CAMTA1: variants seen among roughly 807,000 people sequenced by gnomAD.
CAMTA1 encodes the protein calmodulin-binding transcription activator 1.
Under a neutral mutation model 170.9 loss-of-function variants are expected in CAMTA1, and 27 were observed. That is an observed-to-expected ratio of 0.16 (90% CI 0.12 to 0.22). The LOEUF is 0.22. Ranked by LOEUF, CAMTA1 falls within the 10% of genes least tolerant of loss-of-function variation. The pLI is 1.00. For missense variants in CAMTA1, 1,619 were observed against 2,217.2 expected, an observed-to-expected ratio of 0.73 and a Z score of 5.42; for synonymous variants, 833 against 891.5, an observed-to-expected ratio of 0.93 and a Z score of 1.17.
chr1:7,398,154 GCTCTCTCTCTCTCT>G (rs371668581), intron 5 of CAMTA1, among the ~76,000 whole-genome samples: 4 of 26,268 alleles, frequency 1.5e-4, no homozygotes, highest in African/African-American at 2.1e-4. Flanking sequence ...TAATAATATT[GCTCTCTCTCTCTCT>G]CTCTCTCTCT....
In CAMTA1 at chr1:7,586,459, G is replaced by A. The variant is rs561044801; in HGVS notation, c.511-53941G>A. Among the ~76,000 whole-genome samples the A allele has an allele frequency of 7.3e-4, 111 of 152,088 alleles. 2 individuals carry two copies. Among genetic ancestry groups the A allele is most frequent in the Non-Finnish European group, 1.1e-3 (72 of 68,030 alleles). On this transcript the variant is annotated intron_variant, in intron 6 of 22. Coordinates refer to ENST00000303635, the MANE Select transcript of CAMTA1 (RefSeq NM_015215.4). ...GAGTTCTAAACCCTGCAGCCACACC[G>A]AACCTCCTGGCAGCTTCCAAACAAT...
At chr1:7,586,814 A>G (rs142751928) in intron 6 of CAMTA1, among the ~76,000 whole-genome samples, 2 of 152,058 alleles carry the variant, frequency 1.3e-5, no homozygotes, top group Non-Finnish European at 2.9e-5. Flanking sequence ...TGCAGGGGTC[A>G]TGTGGCTCCC....
chr1:6,931,967 A>T (rs1305008617), intron 3 of CAMTA1, among the ~76,000 whole-genome samples: 1 of 152,228 alleles, frequency 6.6e-6, no homozygotes, highest in African/African-American at 2.4e-5. Flanking sequence ...ACCTGTACGC[A>T]CTGGTGCCTC....
chr1:6,837,103 G>A (rs989362440), intron 3 of CAMTA1, among the ~76,000 whole-genome samples: 7 of 152,016 alleles, frequency 4.6e-5, no homozygotes, highest in African/African-American at 1.7e-4. Context: ...ACAGGCACGC[G>A]CCACCATACC....
intron 5 of CAMTA1, among the ~76,000 whole-genome samples, chr1:7,310,702 CTTTCTTTCTTTCTTTCTTTCTT>C (rs1676538166): frequency 4.1e-5 from 2 of 48,914 alleles, no homozygotes; most frequent in African/African-American, 1.0e-4. Flanking sequence ...CTCTCTCTCT[CTTTCTTTCTTTCTTTCTTTCTT>C]TCTTTCTTTC....
At chr1:6,991,899 G>A (rs1490376287) in intron 3 of CAMTA1, among the ~76,000 whole-genome samples, 1 of 151,886 alleles carries the variant, frequency 6.6e-6, no homozygotes, top group Non-Finnish European at 1.5e-5. Context: ...ATGTGGTTTT[G>A]CCATGTTGGC....
rs1314870417 is a variant in CAMTA1 at position 7,065,664 on chromosome 1, T to A, written c.235-25640T>A. The stretch of plus-strand genomic sequence containing the variant: ...AGGAGACAGCTGCACCTTGTTGGAG[T>A]CCATGTCAGCTGATTGGAAGAATCC... On this transcript the variant is annotated intron_variant, in intron 3 of 22. Coordinates refer to ENST00000303635, the MANE Select transcript of CAMTA1 (RefSeq NM_015215.4). This position sits in a 1 kb window ranked among gnomAD's most constrained non-coding sequence, Gnocchi z 5.2. Among the ~76,000 whole-genome samples the A allele has an allele frequency of 2.8e-5, 4 of 142,382 alleles. No individual in the cohort carries two copies. Among genetic ancestry groups the A allele is most frequent in the East Asian group, 2.1e-4 (1 of 4,844 alleles). 93.4% of individuals were successfully genotyped at this position (142,382 alleles called of 152,430 possible).
chr1:6,887,611 TAGA>T lies in CAMTA1; in HGVS notation c.234+62404_234+62406del. The T allele has an allele frequency of 6.5e-7, 1 of 1,530,064 alleles. No individual in the cohort carries two copies. The highest frequency in any genetic ancestry group is 8.7e-7 in the Non-Finnish European group (1 of 1,144,454). 94.8% of individuals were successfully genotyped at this position (1,530,064 alleles called of 1,614,324 possible). ...ATTTTTCTTCAGTTAAAAACAGAAA[TAGA>T]AGCGACGGTTTTGACCCATTTTACA... is the stretch of plus-strand genomic sequence containing the variant. On this transcript the variant is annotated intron_variant, in intron 3 of 22. Transcript: ENST00000303635. The surrounding 1 kb of genome is among the most constrained non-coding windows in gnomAD (Gnocchi z 4.1).
intron 4 of CAMTA1, among the ~76,000 whole-genome samples, chr1:7,163,817 A>G (rs1260602193): frequency 1.3e-5 from 2 of 152,196 alleles, no homozygotes; most frequent in African/African-American, 4.8e-5. Context: ...AGGGAGGGAC[A>G]GTGCCTGTGC....
chr1:6,844,412 C>T (rs867968898), intron 3 of CAMTA1, among the ~76,000 whole-genome samples: 32 of 151,562 alleles, frequency 2.1e-4, no homozygotes, highest in African/African-American at 7.3e-4. Context: ...GTGGCTCGCG[C>T]CAGTAATCCC....
chr1:7,761,294 G>A (rs948364922), intron 22 of CAMTA1, among the ~76,000 whole-genome samples: 4 of 152,184 alleles, frequency 2.6e-5, no homozygotes, highest in Non-Finnish European at 4.4e-5. Context: ...AAATGTGGCC[G>A]CACAGCTCTC....
At chr1:7,284,177 CTTATTATTATTATTATTATTA>C (rs537622620) in intron 5 of CAMTA1, among the ~76,000 whole-genome samples, 16 of 99,314 alleles carry the variant, frequency 1.6e-4, no homozygotes, top group African/African-American at 6.0e-4. Context: ...TCTTCTTCTT[CTTATTATTATTATTATTATTA>C]TTATTATTAT....
rs931050057 is a variant in CAMTA1 at position 7,673,913 on chromosome 1, C to T, written c.2779+2876C>T. Among the ~76,000 whole-genome samples the T allele has an allele frequency of 1.4e-4, 22 of 152,182 alleles. No individual in the cohort carries two copies. Among genetic ancestry groups the T allele is most frequent in the African/African-American group, 5.3e-4 (22 of 41,442 alleles). Reference sequence around the variant, plus strand: ...CCCAGCTTCTCACCGGGCCCCTGATCGTAAGGGGCTCTCGGTCCAGGGAGG... The same window carrying T: ...CCCAGCTTCTCACCGGGCCCCTGATTGTAAGGGGCTCTCGGTCCAGGGAGG... On this transcript the variant is annotated intron_variant, in intron 10 of 22. Transcript: ENST00000303635. This position sits in a 1 kb window ranked among gnomAD's most constrained non-coding sequence, Gnocchi z 4.6.
At chr1:7,761,611 C>T (rs1297027865) in intron 22 of CAMTA1, among the ~76,000 whole-genome samples, 1 of 152,090 alleles carries the variant, frequency 6.6e-6, no homozygotes, top group Non-Finnish European at 1.5e-5. Flanking sequence ...GACCACAGGT[C>T]CTGGATTTTC....
At chr1:7,643,152 A>C (rs2095778132) in intron 7 of CAMTA1, among the ~76,000 whole-genome samples, 1 of 149,994 alleles carries the variant, frequency 6.7e-6, no homozygotes, top group Non-Finnish European at 1.5e-5. Flanking sequence ...TTCCTGCTCA[A>C]AACAAGTCTT....
chr1:7,545,845 C>G (rs1383214358), intron 6 of CAMTA1, among the ~76,000 whole-genome samples: 1 of 152,134 alleles, frequency 6.6e-6, no homozygotes, highest in Non-Finnish European at 1.5e-5. Context: ...CCCTCCCCAC[C>G]CCCACCACCA....
At chr1:7,089,435 T>C (rs1641180130) in intron 3 of CAMTA1, among the ~76,000 whole-genome samples, 3 of 152,334 alleles carry the variant, frequency 2.0e-5, no homozygotes, top group African/African-American at 7.2e-5. Flanking sequence ...ATTTTGCTGC[T>C]TTTAAGCTCC....
intron 20 of CAMTA1, 118 bp from the exon 21 acceptor site, chr1:7,752,341 T>C (rs978198847): frequency 2.4e-6 from 2 of 818,086 alleles, no homozygotes; most frequent in Admixed American, 1.9e-5. Flanking sequence ...CTTTAACATA[T>C]GCTGTTGGCT....
intron 3 of CAMTA1, among the ~76,000 whole-genome samples, chr1:7,071,503 C>G (rs1638643297): frequency 6.6e-6 from 1 of 152,084 alleles, no homozygotes; most frequent in Admixed American, 6.5e-5. Flanking sequence ...CGTGATAAAT[C>G]TATTTTTTAA....
Sources: allele counts gnomAD v4.1 joint callset (sites outside exome capture counted in the v4.1 genomes callset), GRCh38; gene constraint gnomAD v4.1.1; non-coding constraint Gnocchi (gnomAD v3.1); transcripts MANE v1.5; gene names NCBI Gene and HGNC (gene_info 2026-07-23, HGNC 2026-07-21).